The following YWHAQ variants were observed in gnomAD, a reference collection of about 807,000 sequenced individuals.
The protein encoded by YWHAQ is 14-3-3 protein theta.
YWHAQ carries 6 observed loss-of-function variants against 28.3 expected under a neutral mutation model. That is an observed-to-expected ratio of 0.21 (90% CI 0.12 to 0.42). The LOEUF (loss-of-function observed/expected upper bound fraction) is 0.42. Ranked by LOEUF, YWHAQ falls within the 10% of genes least tolerant of loss-of-function variation. YWHAQ has a pLI of 1.00. For missense variants in YWHAQ, 201 were observed against 305.6 expected (o/e 0.66, Z 2.55); for synonymous variants, 143 against 119.1 (o/e 1.20, Z -1.31).
At position 9,617,121 on chromosome 2, in the gene YWHAQ, C is replaced by T. The variant is rs1038756001; in HGVS notation, c.294+13038G>A. On this transcript the variant is annotated intron_variant, in intron 2 of 5. Coordinates refer to ENST00000238081, the MANE Select transcript of YWHAQ (RefSeq NM_006826.4). ...GACTACAGGTGCCTGCCACTACGCC[C>T]GGCTAATTTTTTTTTTTTTTTTAGT... 6.1e-5 allele frequency among the ~76,000 whole-genome samples: 9 copies of T among 146,820 alleles called. 1 individual carries two copies. The South Asian group carries it at 1.3e-3, about 21-fold the overall frequency.
At chr2:9,591,328 G>A (rs1666451086) in intron 3 of YWHAQ, 64 bp downstream of exon 3, 3 of 1,563,444 alleles carry the variant, frequency 1.9e-6, no homozygotes, top group Admixed American at 3.4e-5. Flanking sequence ...CTGTCATAGT[G>A]TCCCATTTAT....
intron 2 of YWHAQ, among the ~76,000 whole-genome samples, chr2:9,613,668 C>A (rs1315163615): frequency 6.6e-6 from 1 of 152,214 alleles, no homozygotes; most frequent in Non-Finnish European, 1.5e-5. Flanking sequence ...TCTCTAGCCA[C>A]CACCATCCCA....
intron 2 of YWHAQ, among the ~76,000 whole-genome samples, chr2:9,593,921 T>TACACACACACACAC (rs148503227): frequency 7.8e-6 from 1 of 128,348 alleles, no homozygotes; most frequent in South Asian, 2.3e-4. Flanking sequence ...TATATATATA[T>TACACACACACACAC]ATACACACAC....
Position 9,588,243 on chromosome 2 carries a change from C to T in YWHAQ, c.504G>A (p.Leu168=), listed in dbSNP as rs1023423895. The part of the protein sequence containing the change: ...KEMQPTHPIR[L]GLALNFSVFY... ...ATACAGAAAAGTTAAGAGCAAGCCC[C>T]AGGCGGATTGGGTGTGTGGGTTGCA... Residue 168 remains leucine, a synonymous_variant, in exon 4 of 6, where the codon CTG becomes CTA. Transcript: ENST00000238081. 1.1e-5 allele frequency: 18 copies of T among 1,608,036 alleles called. No individual in the cohort carries two copies. Among genetic ancestry groups the T allele is most frequent in the Non-Finnish European group, 4.2e-6 (5 of 1,178,552 alleles).
intron 3 of YWHAQ, 112 bp downstream of exon 3, chr2:9,591,280 C>CAAGAA: frequency 7.8e-7 from 1 of 1,279,664 alleles, no homozygotes; most frequent in Non-Finnish European, 1.0e-6. Context: ...GACATACATT[C>CAAGAA]AATTATTAAG....
intron 2 of YWHAQ, among the ~76,000 whole-genome samples, chr2:9,594,180 T>C (rs1666522004): frequency 6.6e-6 from 1 of 152,108 alleles, no homozygotes; most frequent in African/African-American, 2.4e-5. Flanking sequence ...GCTGCTCCAG[T>C]ATCACTACAC....
intron 2 of YWHAQ, among the ~76,000 whole-genome samples, chr2:9,606,539 A>C (rs113937820): frequency 1.1e-4 from 17 of 150,800 alleles, no homozygotes; most frequent in African/African-American, 3.9e-4. Flanking sequence ...GTGTGTGTGT[A>C]TATTTTTTGA....
chr2:9,629,658 A>G (rs1319805160), intron 2 of YWHAQ, among the ~76,000 whole-genome samples: 4 of 151,842 alleles, frequency 2.6e-5, no homozygotes, highest in African/African-American at 9.7e-5. Context: ...GGTGGGGGGG[A>G]GCACAACAGA....
At chr2:9,593,783 G>A (rs555422987) in intron 2 of YWHAQ, among the ~76,000 whole-genome samples, 6 of 151,790 alleles carry the variant, frequency 4.0e-5, no homozygotes, top group Admixed American at 2.6e-4. Context: ...AGCCATGATC[G>A]TGCCACTGCA....
chr2:9,602,522 A>T (rs1022564000), intron 2 of YWHAQ, among the ~76,000 whole-genome samples: 3 of 149,954 alleles, frequency 2.0e-5, no homozygotes, highest in Non-Finnish European at 4.4e-5. Flanking sequence ...TTTTTTTTTT[A>T]AACAGCTACT....
chr2:9,623,109 A>G (rs2125073944), intron 2 of YWHAQ, among the ~76,000 whole-genome samples: 1 of 152,356 alleles, frequency 6.6e-6, no homozygotes, highest in South Asian at 2.1e-4. Context: ...TTCTAAATGA[A>G]ACTACATGAG....
chr2:9,620,805 G>T (rs1667127704), intron 2 of YWHAQ: 1 of 152,134 alleles, frequency 6.6e-6, no homozygotes, highest in African/African-American at 2.4e-5. Flanking sequence ...TGGGAAGGGT[G>T]GGGAAGGTTT....
At position 9,593,976 on chromosome 2, in the gene YWHAQ, AACACACACACACAC is replaced by A. The variant is rs371022884; in HGVS notation, c.295-2475_295-2462del. Reference sequence around the variant, plus strand: ...AGGGCCTGAGGCCAGAGGAAGTTAAAACACACACACACACACACACACACGCACGCACAAAAAAT... The same window carrying A: ...AGGGCCTGAGGCCAGAGGAAGTTAAAACACACACACGCACGCACAAAAAAT... On this transcript the variant is annotated intron_variant, in intron 2 of 5. Coordinates refer to ENST00000238081, the MANE Select transcript of YWHAQ (RefSeq NM_006826.4). Among the ~76,000 whole-genome samples the A allele has an allele frequency of 3.4e-5, 5 of 145,784 alleles. No individual in the cohort carries two copies. The East Asian group carries it at 7.9e-4, about 23-fold the overall frequency.
chr2:9,606,036 A>G (rs1419083707), intron 2 of YWHAQ, among the ~76,000 whole-genome samples: 1 of 152,114 alleles, frequency 6.6e-6, no homozygotes, highest in Non-Finnish European at 1.5e-5. Flanking sequence ...ATAACACTAT[A>G]TGTACAGTAT....
intron 2 of YWHAQ, among the ~76,000 whole-genome samples, chr2:9,605,414 C>A (rs1307305304): frequency 6.6e-6 from 1 of 152,184 alleles, no homozygotes; most frequent in African/African-American, 2.4e-5. Context: ...GGATTACAGG[C>A]ATGAGGCCAC....
intron 2 of YWHAQ, among the ~76,000 whole-genome samples, chr2:9,593,236 C>CT (rs34085406): frequency 0.13 from 15,012 of 114,908 alleles, 2,471 homozygotes; most frequent in African/African-American, 0.38. Context: ...GCATCCATGT[C>CT]TTTTTTTTTT....
rs941235411 is a variant in YWHAQ, at chr2:9,588,387, C to T, written c.419-59G>A. 3 of 1,551,806 alleles carry T rather than the reference C, an allele frequency of 1.9e-6. No individual in the cohort carries two copies. In the African/African-American group the frequency reaches 4.2e-5, roughly 22 times the overall value. On this transcript the variant is annotated intron_variant, in intron 3 of 5. Transcript: ENST00000238081. ...AAAAATAACCATCCAGTACACAGTA[C>T]ATTAACAACTTGAACATATGCTACT...
rs150680493 is a variant in YWHAQ at position 9,588,783 on chromosome 2, A to G, written c.419-455T>C. Among the ~76,000 whole-genome samples, 9 of 151,936 alleles carry G rather than the reference A, an allele frequency of 5.9e-5. No homozygotes were observed. The East Asian group carries it at 1.6e-3, about 26-fold the overall frequency. On this transcript the variant is annotated intron_variant, in intron 3 of 5. Transcript: ENST00000238081. ...GATACTCTGTGTCAAAAACAAACAA[A>G]CAAAAACAATATTGTGTACTGGGTA...
Position 9,621,563 on chromosome 2 carries a change from C to T in YWHAQ, c.294+8596G>A, listed in dbSNP as rs190825758. 1.3e-3 allele frequency among the ~76,000 whole-genome samples: 200 copies of T among 151,892 alleles called. 1 individual carries two copies. The highest frequency in any genetic ancestry group is 4.6e-3 in the African/African-American group (191 of 41,294). ...GATACCCATACATTTCTAGCAGTTACAAGCTGAAGACATAAGTACAGGCAT... is the reference window on the plus strand; with the variant it reads ...GATACCCATACATTTCTAGCAGTTATAAGCTGAAGACATAAGTACAGGCAT... On this transcript the variant is annotated intron_variant, in intron 2 of 5. Coordinates refer to ENST00000238081, the MANE Select transcript of YWHAQ (RefSeq NM_006826.4).
Sources: gnomAD v4.1 joint callset for allele counts (sites outside exome capture counted in the v4.1 genomes callset) on GRCh38, gnomAD v4.1.1 for gene constraint, MANE v1.5 for transcripts, NCBI Gene and HGNC (gene_info 2026-07-23, HGNC 2026-07-21) for gene names.